The following MACROD2 variants were observed in gnomAD, a reference collection of about 807,000 sequenced individuals.
MACROD2 encodes the protein mono-ADP ribosylhydrolase 2.
A neutral mutation model predicts 70.4 loss-of-function variants in MACROD2; 36 were observed. The ratio of observed to expected loss-of-function variants is 0.51; its 90% CI spans 0.39 to 0.68. The LOEUF is 0.68. Among genes scored for constraint, MACROD2 ranks in the 30% least tolerant of loss-of-function variants. The pLI, the probability that MACROD2 is intolerant of heterozygous loss-of-function variation, is 0.00. For missense variants in MACROD2, 496 were observed against 538.4 expected (o/e 0.92, Z 0.78); for synonymous variants, 172 against 178.8 (o/e 0.96, Z 0.30).
At chr20:14,555,707 G>A (rs1002920822) in intron 4 of MACROD2, among the ~76,000 whole-genome samples, 2 of 152,026 alleles carry the variant, frequency 1.3e-5, no homozygotes, top group Admixed American at 6.6e-5. Flanking sequence ...AAGGAGAGGC[G>A]TGGGAAAGGG....
chr20:15,278,135 C>A (rs948793330), intron 6 of MACROD2, among the ~76,000 whole-genome samples: 21 of 152,122 alleles, frequency 1.4e-4, no homozygotes, highest in African/African-American at 5.1e-4. Context: ...CATACTCTGC[C>A]TTTCTGATGC....
intron 8 of MACROD2, among the ~76,000 whole-genome samples, chr20:15,670,526 T>C (rs537968287): frequency 6.6e-6 from 1 of 152,290 alleles, no homozygotes; most frequent in Non-Finnish European, 1.5e-5. Flanking sequence ...AACCTCCTGA[T>C]TGCCTGTTGC....
At chr20:15,446,576 C>G (rs978686757) in intron 7 of MACROD2, among the ~76,000 whole-genome samples, 1 of 152,152 alleles carries the variant, frequency 6.6e-6, no homozygotes, top group Non-Finnish European at 1.5e-5. Flanking sequence ...ACTGCCAACA[C>G]CCCAGTTTGA....
chr20:15,401,042 C>CT (rs11337547), intron 6 of MACROD2, among the ~76,000 whole-genome samples: 351 of 145,032 alleles, frequency 2.4e-3, no homozygotes, highest in African/African-American at 2.8e-3. Context: ...GCAGCTTGTT[C>CT]TTTTTTTTTT....
intron 4 of MACROD2, among the ~76,000 whole-genome samples, chr20:14,503,892 G>T (rs2084942010): frequency 6.6e-6 from 1 of 152,208 alleles, no homozygotes; most frequent in Admixed American, 6.5e-5. Context: ...TAATTTTCTA[G>T]TCAGATTTTG....
intron 5 of MACROD2, among the ~76,000 whole-genome samples, chr20:14,908,181 T>C (rs924709248): frequency 1.3e-5 from 2 of 151,804 alleles, no homozygotes; most frequent in Non-Finnish European, 2.9e-5. Context: ...TTTTCTCTAC[T>C]AACAATACAA....
chr20:15,305,702 AGTAGCATGTGTG>A (rs901644710), intron 6 of MACROD2, among the ~76,000 whole-genome samples: 6 of 152,080 alleles, frequency 3.9e-5, no homozygotes, highest in Admixed American at 2.0e-4. Flanking sequence ...TAGAGACTTG[AGTAGCATGTGTG>A]GTAGCCTTGT....
At chr20:14,458,345 A>G (rs887375817) in intron 3 of MACROD2, among the ~76,000 whole-genome samples, 3 of 152,166 alleles carry the variant, frequency 2.0e-5, no homozygotes, top group African/African-American at 7.2e-5. Flanking sequence ...GACTTTAAAA[A>G]TTATGGATCA....
In MACROD2 at chr20:15,052,552, A is replaced by G. The variant is rs190550939; in HGVS notation, c.419-177388A>G. On this transcript the variant is annotated intron_variant, in intron 5 of 17. Coordinates refer to ENST00000684519, the MANE Select transcript of MACROD2 (RefSeq NM_001351661.2). Reference sequence around the variant, plus strand: ...ACTATTGTCATTGTTTTGGGGTGCCACAAACTGTGCTCATAAAAGGTCACA... The same window carrying G: ...ACTATTGTCATTGTTTTGGGGTGCCGCAAACTGTGCTCATAAAAGGTCACA... 3.0e-3 allele frequency among the ~76,000 whole-genome samples: 462 copies of G among 152,296 alleles called. 2 individuals carry two copies. The highest frequency in any genetic ancestry group is 4.9e-3 in the Non-Finnish European group (332 of 68,014).
At chr20:15,587,117 G>A (rs1443251758) in intron 8 of MACROD2, among the ~76,000 whole-genome samples, 1 of 152,174 alleles carries the variant, frequency 6.6e-6, no homozygotes, top group Non-Finnish European at 1.5e-5. Flanking sequence ...TGGACTTACA[G>A]TTCCACATGG....
intron 6 of MACROD2, among the ~76,000 whole-genome samples, chr20:15,426,076 G>T (rs188607333): frequency 2.8e-4 from 42 of 152,174 alleles, no homozygotes; most frequent in African/African-American, 9.9e-4. Flanking sequence ...GCGGAAGGCC[G>T]CAGGGTCCTC....
chr20:15,126,774 A>G (rs1601108665), intron 5 of MACROD2, among the ~76,000 whole-genome samples: 1 of 152,230 alleles, frequency 6.6e-6, no homozygotes, highest in African/African-American at 2.4e-5. Flanking sequence ...CTGAGTCCTC[A>G]TGTCCCTTGG....
At chr20:14,503,025 G>A (rs1364606239) in intron 4 of MACROD2, among the ~76,000 whole-genome samples, 2 of 152,198 alleles carry the variant, frequency 1.3e-5, no homozygotes, top group Non-Finnish European at 2.9e-5. Flanking sequence ...TGAGCTTAAT[G>A]TAGTCTTCAG....
intron 3 of MACROD2, among the ~76,000 whole-genome samples, chr20:14,117,065 CAAAAA>C (rs11470818): frequency 7.6e-6 from 1 of 131,116 alleles, no homozygotes; most frequent in Admixed American, 7.6e-5. Flanking sequence ...GACTCCATCT[CAAAAA>C]AAAAAAAAAA....
intron 3 of MACROD2, among the ~76,000 whole-genome samples, chr20:14,348,469 A>T (rs1413049995): frequency 6.6e-6 from 1 of 151,942 alleles, no homozygotes; most frequent in Non-Finnish European, 1.5e-5. Context: ...GAATCCTAAT[A>T]GGCATTTCTA....
chr20:14,100,849 T>TA (rs1383953929), intron 3 of MACROD2, among the ~76,000 whole-genome samples: 1 of 141,560 alleles, frequency 7.1e-6, no homozygotes, highest in Non-Finnish European at 1.5e-5. Context: ...TAATATAATA[T>TA]ATATCATATA....
intron 8 of MACROD2, among the ~76,000 whole-genome samples, chr20:15,782,717 CAAAAAAA>C (rs11472322): frequency 4.8e-5 from 4 of 83,350 alleles, no homozygotes; most frequent in Admixed American, 1.4e-4. Context: ...AGAGAAATGG[CAAAAAAA>C]AAAAAAAAAA....
At chr20:14,400,714 T>C (rs2083628610) in intron 3 of MACROD2, among the ~76,000 whole-genome samples, 1 of 152,200 alleles carries the variant, frequency 6.6e-6, no homozygotes, top group African/African-American at 2.4e-5. Context: ...CAGGGATCAC[T>C]GTTCTGTACT....
intron 9 of MACROD2, among the ~76,000 whole-genome samples, chr20:15,877,187 G>A (rs1263470800): frequency 6.6e-6 from 1 of 151,986 alleles, no homozygotes. Flanking sequence ...TGGTGTACTT[G>A]CTTGCACACG....
Sources: gnomAD v4.1 joint callset for allele counts (sites outside exome capture counted in the v4.1 genomes callset) on GRCh38, gnomAD v4.1.1 for gene constraint, MANE v1.5 for transcripts, NCBI Gene and HGNC (gene_info 2026-07-23, HGNC 2026-07-21) for gene names.